The following CAPZB variants were observed in gnomAD, a reference collection of about 807,000 sequenced individuals.
CAPZB encodes F-actin-capping protein subunit beta.
In CAPZB, 2 loss-of-function variants were observed where a neutral mutation model predicts 38.1. The ratio of observed to expected loss-of-function variants is 0.05; its 90% confidence interval spans 0.02 to 0.17. The LOEUF (loss-of-function observed/expected upper bound fraction) is 0.17, where lower values mean the gene tolerates loss of function less well. Ranked by LOEUF, CAPZB falls within the 10% of genes least tolerant of loss-of-function variation. The pLI is 1.00. For synonymous variants in CAPZB, 107 were observed against 127.4 expected (o/e 0.84, Z 1.08); for missense variants, 161 against 334.2 (o/e 0.48, Z 4.04).
At chr1:19,424,458 A>G (rs1283429705) in intron 1 of CAPZB, 1 of 152,214 alleles carries the variant, frequency 6.6e-6, no homozygotes, top group East Asian at 1.9e-4. Flanking sequence ...CAAGCCCAGG[A>G]GTTCTGGGTT....
chr1:19,459,012 G>GT (rs1371507051), intron 1 of CAPZB, among the ~76,000 whole-genome samples: 2 of 152,204 alleles, frequency 1.3e-5, no homozygotes, highest in African/African-American at 4.8e-5. Context: ...AAGTCTGTTG[G>GT]CAGGAGACCG....
At chr1:19,368,334 C>T (rs946440760) in intron 4 of CAPZB, among the ~76,000 whole-genome samples, 5 of 152,180 alleles carry the variant, frequency 3.3e-5, no homozygotes, top group Middle Eastern at 3.4e-3. Flanking sequence ...CCACTGAACA[C>T]ACAGCTGCCC....
chr1:19,338,900 CT>C lies in CAPZB; in HGVS notation c.*629del, dbSNP rs2093911234. The C allele has an allele frequency of 6.6e-6, 1 of 152,530 alleles. No individual in the cohort carries two copies. Among genetic ancestry groups the C allele is most frequent in the Admixed American group, 6.5e-5 (1 of 15,292 alleles). The allele number at this position is 152,530 out of a possible 1,614,324, so 9.4% of individuals were successfully genotyped here. On this transcript the variant is annotated 3_prime_UTR_variant, in exon 9 of 9. Coordinates refer to ENST00000264202, the MANE Select transcript of CAPZB (RefSeq NM_004930.5). ...AAAAACAAAATAAAACAAAAACCTC[CT>C]TTTGCATTCCATAGAAATTGACAGA...
chr1:19,478,629 A>G (rs552615509), intron 1 of CAPZB, among the ~76,000 whole-genome samples: 1 of 152,328 alleles, frequency 6.6e-6, no homozygotes, highest in African/African-American at 2.4e-5. Context: ...GGACTTCCCC[A>G]GGCTGGTTCT....
intron 3 of CAPZB, among the ~76,000 whole-genome samples, chr1:19,379,342 C>G (rs11588267): frequency 0.12 from 18,018 of 152,160 alleles, 2,372 homozygotes; most frequent in African/African-American, 0.33. Context: ...CAAGTAATCT[C>G]CCTGCCTCAG....
Position 19,375,600 on chromosome 1 carries a change from G to A in CAPZB, c.329+2940C>T, listed in dbSNP as rs1018252094. The stretch of plus-strand genomic sequence containing the variant: ...CCCCAACTGGGGGCAGGATGCTGTC[G>A]TCACCCCTCTTTCAACTCCCCCGAG... On this transcript the variant is annotated intron_variant, in intron 4 of 8. Transcript: ENST00000264202. Among the ~76,000 whole-genome samples the A allele has an allele frequency of 2.8e-4, 42 of 152,218 alleles. 1 individual carries two copies. Among genetic ancestry groups the A allele is most frequent in the African/African-American group, 9.6e-4 (40 of 41,462 alleles).
At chr1:19,482,656 G>A (rs2094633822) in intron 1 of CAPZB, among the ~76,000 whole-genome samples, 1 of 152,168 alleles carries the variant, frequency 6.6e-6, no homozygotes, top group Non-Finnish European at 1.5e-5. Flanking sequence ...AGAAACTCAT[G>A]CCAACAAAAA....
chr1:19,344,799 C>A (rs918513578), intron 7 of CAPZB, among the ~76,000 whole-genome samples: 62 of 152,242 alleles, frequency 4.1e-4, no homozygotes, highest in African/African-American at 1.5e-3. Context: ...AACGTGGTGA[C>A]AGGAGGGCCA....
chr1:19,363,868 A>G (rs2094068147), intron 4 of CAPZB, among the ~76,000 whole-genome samples: 1 of 152,232 alleles, frequency 6.6e-6, no homozygotes, highest in Non-Finnish European at 1.5e-5. Flanking sequence ...AAAGGCTCCC[A>G]ACAGATAATG....
At chr1:19,462,024 C>G (rs999195732) in intron 1 of CAPZB, among the ~76,000 whole-genome samples, 2 of 152,144 alleles carry the variant, frequency 1.3e-5, no homozygotes, top group Non-Finnish European at 2.9e-5. Flanking sequence ...AAGGGACCTG[C>G]AGTCTCGGCT....
chr1:19,483,692 G>A (rs1223088807), intron 1 of CAPZB, among the ~76,000 whole-genome samples: 1 of 152,176 alleles, frequency 6.6e-6, no homozygotes, highest in African/African-American at 2.4e-5. Flanking sequence ...CACTTTCAAA[G>A]TCCTCACCCA....
chr1:19,418,954 G>C (rs2094391150), intron 2 of CAPZB, among the ~76,000 whole-genome samples: 1 of 152,228 alleles, frequency 6.6e-6, no homozygotes, highest in Non-Finnish European at 1.5e-5. Context: ...TCCAAACCCA[G>C]CACCAGAACT....
At chr1:19,372,755 C>T (rs558385613) in intron 4 of CAPZB, among the ~76,000 whole-genome samples, 196 of 152,240 alleles carry the variant, frequency 1.3e-3, no homozygotes, top group Non-Finnish European at 2.0e-3. Context: ...GCCCAGGAGT[C>T]GGCCCGCTCG....
chr1:19,413,055 T>C (rs886641129), intron 2 of CAPZB, among the ~76,000 whole-genome samples: 2 of 152,208 alleles, frequency 1.3e-5, no homozygotes, highest in African/African-American at 4.8e-5. Context: ...TAATAAATGT[T>C]TGCAGAAAGA....
intron 3 of CAPZB, among the ~76,000 whole-genome samples, chr1:19,383,541 G>C (rs919021177): frequency 6.6e-6 from 1 of 152,116 alleles, no homozygotes; most frequent in African/African-American, 2.4e-5. Flanking sequence ...TACAGCCTGG[G>C]CGACAGAGCA....
At chr1:19,404,004 G>A (rs1189190579) in intron 2 of CAPZB, among the ~76,000 whole-genome samples, 1 of 152,108 alleles carries the variant, frequency 6.6e-6, no homozygotes, top group Non-Finnish European at 1.5e-5. Context: ...GGCCGGGCAC[G>A]GTGGCATCAC....
intron 1 of CAPZB, among the ~76,000 whole-genome samples, chr1:19,445,293 G>A (rs1314012015): frequency 1.5e-4 from 23 of 151,928 alleles, no homozygotes; most frequent in Admixed American, 1.5e-3. Flanking sequence ...TTAAAAATGT[G>A]CTCAGAAGAC....
Position 19,385,389 on chromosome 1 carries a change from A to G in CAPZB, c.215+116T>C. ...AGGAGGGCAGGGAACAAACGGAAGG[A>G]AAGCTGAATGGGCTGCCAGCTGCCC... On this transcript the variant is annotated intron_variant, in intron 3 of 8. Coordinates refer to ENST00000264202, the MANE Select transcript of CAPZB (RefSeq NM_004930.5). 7 of 1,176,068 alleles carry G rather than the reference A, an allele frequency of 6.0e-6. No homozygotes were observed. The South Asian group carries it at 8.1e-5, about 14-fold the overall frequency. 72.9% of individuals were successfully genotyped at this position (1,176,068 alleles called of 1,614,324 possible).
At chr1:19,433,418 C>CT (rs2100591196) in intron 1 of CAPZB, among the ~76,000 whole-genome samples, 1 of 152,200 alleles carries the variant, frequency 6.6e-6, no homozygotes, top group South Asian at 2.1e-4. Context: ...AAGTAAACTC[C>CT]TTTTTTCATA....
Sources: allele counts gnomAD v4.1 joint callset (sites outside exome capture counted in the v4.1 genomes callset), GRCh38; gene constraint gnomAD v4.1.1; transcripts MANE v1.5; gene names NCBI Gene and HGNC (gene_info 2026-07-23, HGNC 2026-07-21).